The following UGT8 variants were observed in gnomAD, a reference collection of about 807,000 sequenced individuals.
UGT8 encodes UDP glycosyltransferase 8.
In UGT8, 12 loss-of-function variants were observed where a neutral mutation model predicts 40.5. The observed-to-expected ratio is 0.30, with a 90% CI of 0.19 to 0.48. UGT8 has a LOEUF of 0.48. Among genes scored for constraint, UGT8 ranks in the 20% least tolerant of loss-of-function variants. The pLI, the probability that UGT8 is intolerant of heterozygous loss-of-function variation, is 0.99. For synonymous variants in UGT8, 224 were observed against 240.4 expected (o/e 0.93, Z 0.63); for missense variants, 513 against 648.7 (o/e 0.79, Z 2.27).
intron 2 of UGT8, among the ~76,000 whole-genome samples, chr4:114,635,151 G>C (rs765262765): frequency 6.6e-6 from 1 of 151,808 alleles, no homozygotes; most frequent in Non-Finnish European, 1.5e-5. Context: ...AGGAGTTCGA[G>C]ACCAGCCTGG....
intron 1 of UGT8, among the ~76,000 whole-genome samples, chr4:114,608,397 A>G (rs1282763726): frequency 6.6e-6 from 1 of 152,192 alleles, no homozygotes. Context: ...ATATTCAAAC[A>G]TGATTGAATG....
chr4:114,617,258 A>G (rs949571470), intron 1 of UGT8, among the ~76,000 whole-genome samples: 3 of 152,226 alleles, frequency 2.0e-5, no homozygotes, highest in Non-Finnish European at 4.4e-5. Flanking sequence ...CATCTCAAAC[A>G]AAACAAACAG....
At chr4:114,607,187 A>G (rs2126085709) in intron 1 of UGT8, among the ~76,000 whole-genome samples, 1 of 152,314 alleles carries the variant, frequency 6.6e-6, no homozygotes, top group Non-Finnish European at 1.5e-5. Flanking sequence ...ATAACTTGGT[A>G]GAGTCCCAAG....
intron 2 of UGT8, among the ~76,000 whole-genome samples, chr4:114,640,626 G>A (rs1041957055): frequency 6.6e-6 from 1 of 152,102 alleles, no homozygotes; most frequent in Non-Finnish European, 1.5e-5. Context: ...AAGGAAAGTG[G>A]TTTAATGGAG....
At chr4:114,615,005 ATAACT>A (rs1731317685) in intron 1 of UGT8, among the ~76,000 whole-genome samples, 1 of 152,144 alleles carries the variant, frequency 6.6e-6, no homozygotes, top group Non-Finnish European at 1.5e-5. Flanking sequence ...GCCACCATAA[ATAACT>A]TAAGATTACC....
In UGT8 at chr4:114,598,854, C is replaced by T. The variant is rs547455744; in HGVS notation, c.-123C>T. ...CGCTAACTCCGAAGCCTCCCTTACG[C>T]CCCCGAACCACCGAAGGCGGCGACA... On this transcript the variant is annotated 5_prime_UTR_variant, in exon 1 of 6. Transcript: ENST00000310836. The T allele has an allele frequency of 6.5e-6, 1 of 152,786 alleles. No homozygotes were observed. The highest frequency in any genetic ancestry group is 2.4e-5 in the African/African-American group (1 of 41,566). 9.5% of individuals were successfully genotyped at this position (152,786 alleles called of 1,614,324 possible). A position where few individuals can be genotyped will look rare whatever the true frequency, so the allele number is the denominator to read the frequency against.
chr4:114,599,495 GT>G (rs1730305433), intron 1 of UGT8, among the ~76,000 whole-genome samples: 1 of 152,196 alleles, frequency 6.6e-6, no homozygotes, highest in South Asian at 2.1e-4. Context: ...AGCGGGATGT[GT>G]TGGGGGTGGG....
chr4:114,649,579 G>A (rs1249105715), intron 2 of UGT8, among the ~76,000 whole-genome samples: 4 of 152,192 alleles, frequency 2.6e-5, no homozygotes, highest in South Asian at 2.1e-4. Flanking sequence ...TCAACCCCAC[G>A]GTCAAGATGG....
At chr4:114,635,504 G>A (rs1732835607) in intron 2 of UGT8, among the ~76,000 whole-genome samples, 1 of 151,954 alleles carries the variant, frequency 6.6e-6, no homozygotes, top group Non-Finnish European at 1.5e-5. Flanking sequence ...AATGCATCAA[G>A]CCATATACAT....
At chr4:114,643,910 A>G (rs904997666) in intron 2 of UGT8, among the ~76,000 whole-genome samples, 2 of 152,030 alleles carry the variant, frequency 1.3e-5, no homozygotes, top group African/African-American at 4.8e-5. Context: ...AATGTCATCT[A>G]TATTTTTCTG....
chr4:114,602,674 A>G (rs929717950), intron 1 of UGT8, among the ~76,000 whole-genome samples: 26 of 152,232 alleles, frequency 1.7e-4, no homozygotes, highest in Admixed American at 1.6e-3. Flanking sequence ...CAATATCTAC[A>G]GTATAGTGCT....
chr4:114,600,872 A>G (rs1578393274), intron 1 of UGT8, among the ~76,000 whole-genome samples: 1 of 152,348 alleles, frequency 6.6e-6, no homozygotes, highest in East Asian at 1.9e-4. Context: ...ATAATGCCAG[A>G]GAAAAACACT....
Position 114,656,041 on chromosome 4 carries a change from G to A in UGT8, c.823-7954G>A, listed in dbSNP as rs191114959. Among the ~76,000 whole-genome samples the A allele has an allele frequency of 1.1e-3, 170 of 152,228 alleles. 1 individual carries two copies. Among genetic ancestry groups the A allele is most frequent in the African/African-American group, 3.2e-3 (131 of 41,548 alleles). ...GCATCCTTACAGGAATATCACAGAA[G>A]GGATGCTATATTCTGCATGTTGCAT... On this transcript the variant is annotated intron_variant, in intron 2 of 5. Coordinates refer to ENST00000310836, the MANE Select transcript of UGT8 (RefSeq NM_001128174.3).
At chr4:114,644,981 A>G (rs1733472562) in intron 2 of UGT8, among the ~76,000 whole-genome samples, 1 of 152,142 alleles carries the variant, frequency 6.6e-6, no homozygotes, top group Admixed American at 6.6e-5. Flanking sequence ...CTTCTACTAT[A>G]ATTAATTCTG....
rs750749006 is a variant in UGT8 at position 114,623,640 on chromosome 4, A to T, written c.760A>T (p.Thr254Ser). ...CGTAGCACTGGAATTCCCAAGACCC[A>T]CTCTGCCTAATGTTGTTTATGTAGG... The part of the protein sequence containing the change: ...TDVALEFPRP[T>S]LPNVVYVGGI... The change falls in exon 2 of 6, where the codon ACT (threonine) becomes TCT (serine). Residue 254 changes from threonine to serine, a missense_variant. Around this residue, in one of 3 missense-constraint regions of UGT8, gnomAD observed 335 missense variants for 444.8 expected, o/e 0.75. Transcript: ENST00000310836. 3 of 1,613,882 alleles carry T rather than the reference A, an allele frequency of 1.9e-6. No individual in the cohort carries two copies. The Admixed American group carries it at 5.0e-5, about 27-fold the overall frequency.
At chr4:114,615,264 T>G (rs1445612743) in intron 1 of UGT8, among the ~76,000 whole-genome samples, 1 of 152,158 alleles carries the variant, frequency 6.6e-6, no homozygotes, top group Admixed American at 6.5e-5. Flanking sequence ...TGCCTTCATG[T>G]GATCTCAATA....
intron 2 of UGT8, among the ~76,000 whole-genome samples, chr4:114,648,322 A>G (rs1237964745): frequency 6.7e-6 from 1 of 149,374 alleles, no homozygotes; most frequent in Non-Finnish European, 1.5e-5. Flanking sequence ...ATGAGCATGT[A>G]TGTTCAGTAG....
chr4:114,641,707 G>A (rs1733234984), intron 2 of UGT8, among the ~76,000 whole-genome samples: 1 of 152,002 alleles, frequency 6.6e-6, no homozygotes, highest in South Asian at 2.1e-4. Flanking sequence ...GTAGTAAACT[G>A]GAGAAAAACG....
intron 4 of UGT8, 54 bp from the exon 5 acceptor site, chr4:114,668,031 C>T: frequency 1.3e-6 from 2 of 1,564,166 alleles, no homozygotes; most frequent in Non-Finnish European, 1.7e-6. Flanking sequence ...CTGGGAAAAT[C>T]TCTTCTGTAG....
Sources: gnomAD v4.1 joint callset for allele counts (sites outside exome capture counted in the v4.1 genomes callset) on GRCh38, gnomAD v4.1.1 for gene constraint, gnomAD v4.1.1 regional missense constraint, MANE v1.5 for transcripts, NCBI Gene and HGNC (gene_info 2026-07-23, HGNC 2026-07-21) for gene names.